CNTNAP2: variants seen among roughly 807,000 people sequenced by gnomAD.
The protein encoded by CNTNAP2 is contactin associated protein 2.
In CNTNAP2, 98 loss-of-function variants were observed where a neutral mutation model predicts 155.2. The ratio of observed to expected loss-of-function variants is 0.63; its 90% CI spans 0.54 to 0.75. The LOEUF (loss-of-function observed/expected upper bound fraction) is 0.75. Among genes scored for constraint, CNTNAP2 ranks in the 30% least tolerant of loss-of-function variants. The pLI, the probability that CNTNAP2 is intolerant of heterozygous loss-of-function variation, is 0.00. For missense variants in CNTNAP2, 1,727 were observed against 1,688.1 expected (o/e 1.02, Z -0.40); for synonymous variants, 651 against 631.2 (o/e 1.03, Z -0.47).
intron 13 of CNTNAP2, among the ~76,000 whole-genome samples, chr7:147,757,630 T>C (rs1455009178): frequency 6.6e-6 from 1 of 152,170 alleles, no homozygotes; most frequent in African/African-American, 2.4e-5. Context: ...TTTTTTAACG[T>C]AAGCAAATTT....
chr7:147,410,442 A>G (rs1234218691), intron 10 of CNTNAP2, among the ~76,000 whole-genome samples: 2 of 152,168 alleles, frequency 1.3e-5, no homozygotes, highest in Non-Finnish European at 2.9e-5. Context: ...AATGGGTACT[A>G]GGCTCATTAC....
intron 17 of CNTNAP2, among the ~76,000 whole-genome samples, chr7:148,164,401 T>A (rs1805609530): frequency 6.6e-6 from 1 of 152,194 alleles, no homozygotes; most frequent in African/African-American, 2.4e-5. Flanking sequence ...CCAGGGCAGC[T>A]GTGGCTGCCA....
chr7:146,456,202 AG>A (rs1796552306), intron 1 of CNTNAP2, among the ~76,000 whole-genome samples: 1 of 152,214 alleles, frequency 6.6e-6, no homozygotes, highest in Admixed American at 6.5e-5. Flanking sequence ...AGAAAATAAA[AG>A]GTGGTTGATT....
chr7:146,664,473 T>A (rs1800152662), intron 1 of CNTNAP2, among the ~76,000 whole-genome samples: 1 of 152,060 alleles, frequency 6.6e-6, no homozygotes. Flanking sequence ...ATGGATTGGT[T>A]TTTGAATATA....
intron 13 of CNTNAP2, among the ~76,000 whole-genome samples, chr7:147,654,135 T>C (rs1210645444): frequency 6.6e-6 from 1 of 152,182 alleles, no homozygotes; most frequent in Non-Finnish European, 1.5e-5. Flanking sequence ...AGAAAAAGTG[T>C]GTACCTCCTA....
chr7:146,587,768 G>A (rs1193983914), intron 1 of CNTNAP2, among the ~76,000 whole-genome samples: 2 of 151,958 alleles, frequency 1.3e-5, no homozygotes, highest in Non-Finnish European at 2.9e-5. Flanking sequence ...CACCTCCCAT[G>A]TTCAAGCGAT....
Position 146,855,881 on chromosome 7 carries a change from C to T in CNTNAP2, c.402+15977C>T, listed in dbSNP as rs1350366694. ...CACTTACATACTACATGCTAAGTAGCTCTGACAGCTGGATGGATCTAGAAA... is the reference window on the plus strand; with the variant it reads ...CACTTACATACTACATGCTAAGTAGTTCTGACAGCTGGATGGATCTAGAAA... On this transcript the variant is annotated intron_variant, in intron 3 of 23. Coordinates refer to ENST00000361727, the MANE Select transcript of CNTNAP2 (RefSeq NM_014141.6). Among the ~76,000 whole-genome samples the T allele has an allele frequency of 4.9e-5, 7 of 144,192 alleles. No homozygotes were observed. The Admixed American group carries it at 4.9e-4, about 10-fold the overall frequency. The allele number at this position is 144,192 out of a possible 152,430, so 94.6% of individuals were successfully genotyped here.
At chr7:147,031,541 T>G (rs760974444) in intron 3 of CNTNAP2, among the ~76,000 whole-genome samples, 2 of 152,208 alleles carry the variant, frequency 1.3e-5, no homozygotes, top group Non-Finnish European at 2.9e-5. Flanking sequence ...CTACTGATAA[T>G]AACGATATGA....
intron 1 of CNTNAP2, among the ~76,000 whole-genome samples, chr7:146,523,755 T>A (rs908177148): frequency 6.6e-6 from 1 of 152,172 alleles, no homozygotes; most frequent in Non-Finnish European, 1.5e-5. Context: ...ACAGCAACCC[T>A]GTCGAACTAT....
intron 1 of CNTNAP2, among the ~76,000 whole-genome samples, chr7:146,200,387 G>A (rs965006269): frequency 3.3e-5 from 5 of 151,892 alleles, no homozygotes; most frequent in African/African-American, 7.3e-5. Flanking sequence ...TCAGCTGCTC[G>A]GGAGGCTGAG....
intron 1 of CNTNAP2, among the ~76,000 whole-genome samples, chr7:146,750,751 G>T (rs529150622): frequency 6.6e-6 from 1 of 152,212 alleles, no homozygotes; most frequent in Non-Finnish European, 1.5e-5. Context: ...TATAGTGATT[G>T]TATCTTTTCT....
At chr7:147,812,764 A>T (rs1798201521) in intron 13 of CNTNAP2, among the ~76,000 whole-genome samples, 1 of 152,178 alleles carries the variant, frequency 6.6e-6, no homozygotes, top group Non-Finnish European at 1.5e-5. Context: ...TGCTTGTTTC[A>T]TCGGAGAATT....
At chr7:146,477,881 A>G (rs113975329) in intron 1 of CNTNAP2, among the ~76,000 whole-genome samples, 9 of 152,128 alleles carry the variant, frequency 5.9e-5, no homozygotes, top group African/African-American at 1.9e-4. Flanking sequence ...ATAATGCCCA[A>G]CTTATAGCAG....
chr7:147,823,818 A>G (rs1009785830), intron 13 of CNTNAP2, among the ~76,000 whole-genome samples: 6 of 152,180 alleles, frequency 3.9e-5, no homozygotes, highest in Admixed American at 2.6e-4. Flanking sequence ...CACAAAATAG[A>G]AGCAAAAGTA....
rs184558317 is a variant in CNTNAP2 at position 146,136,128 on chromosome 7, C to T, written c.97+19155C>T. ...TTATTTCTACTAATAAAAAGCATTTCCACACATGAGCAAATGTATCAAAAA... is the reference window on the plus strand; with the variant it reads ...TTATTTCTACTAATAAAAAGCATTTTCACACATGAGCAAATGTATCAAAAA... On this transcript the variant is annotated intron_variant, in intron 1 of 23. Transcript: ENST00000361727. Among the ~76,000 whole-genome samples, 4 of 152,214 alleles carry T rather than the reference C, an allele frequency of 2.6e-5. No individual in the cohort carries two copies. The East Asian group carries it at 7.7e-4, about 29-fold the overall frequency.
chr7:148,281,245 A>G (rs894000150), intron 21 of CNTNAP2, among the ~76,000 whole-genome samples: 7 of 152,262 alleles, frequency 4.6e-5, no homozygotes, highest in Non-Finnish European at 1.0e-4. Flanking sequence ...TTCTTTAAAA[A>G]GGAGCTAGAG....
At chr7:147,231,778 A>G (rs1803686342) in intron 8 of CNTNAP2, among the ~76,000 whole-genome samples, 1 of 152,174 alleles carries the variant, frequency 6.6e-6, no homozygotes, top group Non-Finnish European at 1.5e-5. Flanking sequence ...GAATCAGGTT[A>G]TTTTTAAACA....
intron 1 of CNTNAP2, among the ~76,000 whole-genome samples, chr7:146,528,269 G>A (rs1194046398): frequency 6.6e-6 from 1 of 152,142 alleles, no homozygotes; most frequent in African/African-American, 2.4e-5. Context: ...GAGAGTTTTG[G>A]CAAAAATGTG....
chr7:147,635,198 A>ATATATATATATATATATATATGTATG (rs1554415300), intron 12 of CNTNAP2, among the ~76,000 whole-genome samples: 1 of 149,102 alleles, frequency 6.7e-6, no homozygotes, highest in African/African-American at 2.5e-5. Context: ...ATATATATAT[A>ATATATATATATATATATATATGTATG]TATGTTTAAT....
Sources: allele counts gnomAD v4.1 joint callset (sites outside exome capture counted in the v4.1 genomes callset), GRCh38; gene constraint gnomAD v4.1.1; transcripts MANE v1.5; gene names NCBI Gene and HGNC (gene_info 2026-07-23, HGNC 2026-07-21).